Variants in EXT1 observed in about 807,000 individuals in gnomAD.
EXT1 encodes the protein exostosin glycosyltransferase 1.
In EXT1, 20 loss-of-function variants were observed where a neutral mutation model predicts 82.5. The ratio of observed to expected loss-of-function variants is 0.24; its 90% CI spans 0.17 to 0.35. The LOEUF (loss-of-function observed/expected upper bound fraction) is 0.35. Among genes scored for constraint, EXT1 ranks in the 10% least tolerant of loss-of-function variants. The pLI, the probability that EXT1 is intolerant of heterozygous loss-of-function variation, is 1.00. For synonymous variants in EXT1, 348 were observed against 350.8 expected (o/e 0.99, Z 0.09); for missense variants, 757 against 936.5 (o/e 0.81, Z 2.50).
intron 4 of EXT1, among the ~76,000 whole-genome samples, chr8:117,828,237 T>C (rs755190274): frequency 3.9e-5 from 6 of 152,228 alleles, no homozygotes; most frequent in Non-Finnish European, 8.8e-5. Context: ...TTTTATGCTT[T>C]AAGTGTTTTC....
intron 1 of EXT1, among the ~76,000 whole-genome samples, chr8:117,874,198 G>A (rs12549331): frequency 0.49 from 74,696 of 151,918 alleles, 21,275 homozygotes; most frequent in African/African-American, 0.79. Flanking sequence ...CTTTGGTAGA[G>A]TATGTCATAA....
intron 1 of EXT1, among the ~76,000 whole-genome samples, chr8:117,914,609 A>T (rs1813711859): frequency 6.6e-6 from 1 of 151,962 alleles, no homozygotes; most frequent in African/African-American, 2.4e-5. Context: ...ATGCATTCCT[A>T]GGGGGAGGTC....
At chr8:117,851,750 TG>T (rs1812459090) in intron 1 of EXT1, among the ~76,000 whole-genome samples, 1 of 152,078 alleles carries the variant, frequency 6.6e-6, no homozygotes. Flanking sequence ...GCCTTCACAG[TG>T]CTGGATAAAA....
intron 1 of EXT1, among the ~76,000 whole-genome samples, chr8:118,078,434 T>C (rs190542199): frequency 1.3e-5 from 2 of 151,828 alleles, no homozygotes; most frequent in East Asian, 1.9e-4. Flanking sequence ...CTGACCTCAA[T>C]TGATACACCC....
At chr8:117,868,275 ACT>A (rs752730554) in intron 1 of EXT1, among the ~76,000 whole-genome samples, 1 of 152,128 alleles carries the variant, frequency 6.6e-6, no homozygotes, top group South Asian at 2.1e-4. Flanking sequence ...ATGGGGAGCC[ACT>A]CAGTCCCTTT....
intron 1 of EXT1, among the ~76,000 whole-genome samples, chr8:117,869,099 G>C (rs911043488): frequency 1.3e-5 from 2 of 152,146 alleles, no homozygotes; most frequent in African/African-American, 4.8e-5. Flanking sequence ...AGCGCCCACA[G>C]GCCCCCACCC....
intron 1 of EXT1, among the ~76,000 whole-genome samples, chr8:118,006,424 TG>T (rs1321806856): frequency 6.6e-6 from 1 of 152,196 alleles, no homozygotes; most frequent in Non-Finnish European, 1.5e-5. Flanking sequence ...AGACCAAATA[TG>T]AGCTCTGCCC....
At chr8:118,090,119 C>T (rs918707130) in intron 1 of EXT1, among the ~76,000 whole-genome samples, 10 of 152,106 alleles carry the variant, frequency 6.6e-5, no homozygotes, top group Non-Finnish European at 1.3e-4. Flanking sequence ...CAACCAAAAA[C>T]CTGTAAAAAA....
chr8:118,047,630 G>A (rs17505577), intron 1 of EXT1, among the ~76,000 whole-genome samples: 2,018 of 152,156 alleles, frequency 0.013, 41 homozygotes, highest in African/African-American at 0.045. Flanking sequence ...ATATGTGATC[G>A]AACCTGAAGG....
intron 1 of EXT1, among the ~76,000 whole-genome samples, chr8:117,956,625 T>A (rs1814592986): frequency 1.3e-5 from 2 of 152,110 alleles, no homozygotes; most frequent in South Asian, 4.1e-4. Context: ...TTTTGTATTT[T>A]TAGTAGAGAC....
intron 5 of EXT1, among the ~76,000 whole-genome samples, chr8:117,821,604 G>A (rs139911214): frequency 2.4e-4 from 37 of 152,310 alleles, no homozygotes; most frequent in African/African-American, 8.4e-4. Flanking sequence ...TTCAGGCCAT[G>A]CATTTCTTTA....
At position 117,835,564 on chromosome 8, in the gene EXT1, G is replaced by C; in HGVS notation, c.1057-13C>G. Reference sequence around the variant, plus strand: ...GGACGCAGGCAGCCTGAGCAAAAAAGGGGACTTCGTGAATGTGAGGAAAGC... The same window carrying C: ...GGACGCAGGCAGCCTGAGCAAAAAACGGGACTTCGTGAATGTGAGGAAAGC... On this transcript the variant is annotated splice_polypyrimidine_tract_variant and intron_variant, in intron 2 of 10. Transcript: ENST00000378204. 1.3e-6 allele frequency: 2 copies of C among 1,599,386 alleles called. No individual in the cohort carries two copies. Among genetic ancestry groups the C allele is most frequent in the Non-Finnish European group, 8.6e-7 (1 of 1,166,388 alleles).
At chr8:118,064,942 T>C (rs894214127) in intron 1 of EXT1, among the ~76,000 whole-genome samples, 7 of 147,520 alleles carry the variant, frequency 4.7e-5, no homozygotes, top group Non-Finnish European at 8.9e-5. Context: ...AACCTCTGCC[T>C]CCCAGATTCA....
At chr8:117,881,266 G>A (rs1407637366) in intron 1 of EXT1, among the ~76,000 whole-genome samples, 3 of 152,136 alleles carry the variant, frequency 2.0e-5, no homozygotes, top group African/African-American at 4.8e-5. Flanking sequence ...AATAGAAATG[G>A]TGAGGCCTAC....
At chr8:117,835,319 C>T (rs1812170930) in intron 3 of EXT1, 125 bp downstream of exon 3, 1 of 735,140 alleles carries the variant, frequency 1.4e-6, no homozygotes, top group Non-Finnish European at 2.5e-6. Flanking sequence ...CACCATGACA[C>T]AGGTAATTTT....
At chr8:117,969,392 A>C (rs1190333440) in intron 1 of EXT1, among the ~76,000 whole-genome samples, 1 of 152,208 alleles carries the variant, frequency 6.6e-6, no homozygotes, top group Admixed American at 6.5e-5. Context: ...ATGGTTGTTT[A>C]GCCCAACAAA....
chr8:117,962,762 CCCA>C lies in EXT1; in HGVS notation c.963-125564_963-125562del, dbSNP rs1412085998. ...GGAAAGACTCCATCCCCCCACACCC[CCCA>C]CCCCCAAAAAAAAGAGAAAAAATGG... On this transcript the variant is annotated intron_variant, in intron 1 of 10. Coordinates refer to ENST00000378204, the MANE Select transcript of EXT1 (RefSeq NM_000127.3). Among the ~76,000 whole-genome samples the C allele has an allele frequency of 6.8e-4, 88 of 129,540 alleles. 3 individuals carry two copies. The highest frequency in any genetic ancestry group is 3.7e-3 in the Middle Eastern group (1 of 272). The allele number at this position is 129,540 out of a possible 152,430, so 85.0% of individuals were successfully genotyped here.
chr8:117,934,840 G>T (rs1185363736), intron 1 of EXT1, among the ~76,000 whole-genome samples: 1 of 152,110 alleles, frequency 6.6e-6, no homozygotes, highest in African/African-American at 2.4e-5. Flanking sequence ...CAAGAAAATG[G>T]TATGCAGAAA....
At chr8:118,091,533 T>A (rs999404913) in intron 1 of EXT1, among the ~76,000 whole-genome samples, 5 of 152,044 alleles carry the variant, frequency 3.3e-5, no homozygotes, top group Non-Finnish European at 1.5e-5. Flanking sequence ...GGTCAGGAGA[T>A]TGAGACCATC....
Sources: gnomAD v4.1 joint callset for allele counts (sites outside exome capture counted in the v4.1 genomes callset) on GRCh38, gnomAD v4.1.1 for gene constraint, MANE v1.5 for transcripts, NCBI Gene and HGNC (gene_info 2026-07-23, HGNC 2026-07-21) for gene names.